The following SPECC1 variants were observed in gnomAD, a reference collection of about 807,000 sequenced individuals.
The protein encoded by SPECC1 is sperm antigen with calponin homology and coiled-coil domains 1.
A neutral mutation model predicts 104.1 loss-of-function variants in SPECC1; 62 were observed. That is an observed-to-expected ratio of 0.60 (90% CI 0.49 to 0.74). The LOEUF (loss-of-function observed/expected upper bound fraction) is 0.74, where lower values mean the gene tolerates loss of function less well. Among genes scored for constraint, SPECC1 ranks in the 30% least tolerant of loss-of-function variants. The probability of loss-of-function intolerance (pLI) is 0.00; values close to 1 mark genes in which losing one functional copy is unlikely to be tolerated. For missense variants in SPECC1, 1,306 were observed against 1,310.5 expected, an observed-to-expected ratio of 1.00 and a Z score of 0.05; for synonymous variants, 513 against 501.6, an observed-to-expected ratio of 1.02 and a Z score of -0.30.
chr17:20,203,355 A>G (rs550375201), intron 3 of SPECC1, among the ~76,000 whole-genome samples: 8 of 152,174 alleles, frequency 5.3e-5, no homozygotes, highest in African/African-American at 9.6e-5. Context: ...CTAGAGCACA[A>G]TGGAGACTGA....
chr17:20,175,275 C>G (rs1377531640), intron 3 of SPECC1, among the ~76,000 whole-genome samples: 1 of 152,244 alleles, frequency 6.6e-6, no homozygotes, highest in Non-Finnish European at 1.5e-5. Context: ...GCCAGCACAG[C>G]ACTTCGAATT....
chr17:20,230,867 T>G (rs1449944032), intron 5 of SPECC1, among the ~76,000 whole-genome samples: 4 of 152,190 alleles, frequency 2.6e-5, no homozygotes, highest in Non-Finnish European at 4.4e-5. Context: ...TGTTTTCTAC[T>G]GTGCAGCATT....
intron 12 of SPECC1, among the ~76,000 whole-genome samples, chr17:20,274,134 A>G (rs1422962581): frequency 6.6e-6 from 1 of 152,108 alleles, no homozygotes; most frequent in Non-Finnish European, 1.5e-5. Flanking sequence ...TGTTAGGTCA[A>G]GTTTTATTTT....
chr17:20,280,751 C>T (rs1047439114), intron 12 of SPECC1, among the ~76,000 whole-genome samples: 2 of 152,100 alleles, frequency 1.3e-5, no homozygotes, highest in African/African-American at 4.8e-5. Flanking sequence ...TGGTGGCTGT[C>T]GTATGGGGCA....
intron 3 of SPECC1, among the ~76,000 whole-genome samples, chr17:20,191,236 A>G (rs1358579765): frequency 6.6e-6 from 1 of 152,204 alleles, no homozygotes; most frequent in East Asian, 1.9e-4. Context: ...TCATTTGGCT[A>G]AATACCAAGG....
At chr17:20,062,924 G>C (rs2046239957) in intron 1 of SPECC1, among the ~76,000 whole-genome samples, 5 of 152,182 alleles carry the variant, frequency 3.3e-5, no homozygotes, top group Admixed American at 1.3e-4. Flanking sequence ...CTGACCTCAA[G>C]TGATCTGCCC....
intron 3 of SPECC1, among the ~76,000 whole-genome samples, chr17:20,184,259 C>T (rs1404901224): frequency 6.7e-6 from 1 of 149,506 alleles, no homozygotes; most frequent in East Asian, 2.0e-4. Context: ...TTTCCTGAAG[C>T]TATGACCAGG....
At chr17:20,166,006 G>C (rs946508062) in intron 3 of SPECC1, among the ~76,000 whole-genome samples, 6 of 151,964 alleles carry the variant, frequency 3.9e-5, no homozygotes, top group Admixed American at 3.9e-4. Flanking sequence ...TATCCTTCTT[G>C]ACAGTTAAAA....
Position 20,227,610 on chromosome 17 carries a change from T to G in SPECC1, c.2061T>G (p.Ser687Arg), listed in dbSNP as rs750897367. 18 of 1,611,062 alleles carry G rather than the reference T, an allele frequency of 1.1e-5. No homozygotes were observed. The highest frequency in any genetic ancestry group is 2.7e-5 in the African/African-American group (2 of 74,652). Residue 687 changes from serine to arginine, a missense_variant, in exon 5 of 15, where the codon AGT becomes AGG. Physicochemically the swap from Ser to Arg is moderately radical, Grantham distance 110 (BLOSUM62 -1). Around this residue, in one of 2 missense-constraint regions of SPECC1, gnomAD observed 1,177 missense variants for 1,139.9 expected, o/e 1.03. Coordinates refer to ENST00000395527, the MANE Select transcript of SPECC1 (RefSeq NM_001243439.2). ...AGTTACACAATAATCAACTCATCAG[T>G]GAGCTAGAAAGTAAGTGGGGTCTGC... The part of the protein sequence containing the change: ...AVKLHNNQLI[S>R]ELESSVIKLE...
At chr17:20,202,053 G>A (rs2036468464) in intron 3 of SPECC1, among the ~76,000 whole-genome samples, 1 of 152,146 alleles carries the variant, frequency 6.6e-6, no homozygotes, top group Non-Finnish European at 1.5e-5. Flanking sequence ...ATTATAAAAA[G>A]TTAAAATTTG....
At chr17:20,282,394 G>A (rs1188710550) in intron 12 of SPECC1, among the ~76,000 whole-genome samples, 1 of 152,208 alleles carries the variant, frequency 6.6e-6, no homozygotes, top group African/African-American at 2.4e-5. Flanking sequence ...CATTTTCGCA[G>A]TCTCAAACCC....
chr17:20,102,077 C>T (rs956757461), intron 2 of SPECC1, among the ~76,000 whole-genome samples: 2 of 152,210 alleles, frequency 1.3e-5, no homozygotes, highest in Non-Finnish European at 2.9e-5. Flanking sequence ...GAAGTGCACA[C>T]CTTCATAGGA....
At chr17:20,236,919 C>A (rs2038948964) in intron 7 of SPECC1, 1 of 1,613,492 alleles carries the variant, frequency 6.2e-7, no homozygotes. Flanking sequence ...CCAGCTCTTG[C>A]CATGATTGGG....
rs150795927 is a variant in SPECC1, at chr17:20,064,786, C to G, written c.-21-31845C>G. Reference sequence around the variant, plus strand: ...TTTTCACAGGGAGGGCATGATGAACCTTGTCTTATAGCTCATGAGAAGGCC... The same window carrying G: ...TTTTCACAGGGAGGGCATGATGAACGTTGTCTTATAGCTCATGAGAAGGCC... On this transcript the variant is annotated intron_variant, in intron 1 of 14. Coordinates refer to ENST00000395527, the MANE Select transcript of SPECC1 (RefSeq NM_001243439.2). Among the ~76,000 whole-genome samples, 1,260 of 152,274 alleles carry G rather than the reference C, an allele frequency of 8.3e-3. 25 individuals are homozygous for G. Among genetic ancestry groups the G allele is most frequent in the African/African-American group, 0.028 (1,165 of 41,546 alleles).
chr17:20,066,059 A>G (rs907317465), intron 1 of SPECC1, among the ~76,000 whole-genome samples: 1 of 152,228 alleles, frequency 6.6e-6, no homozygotes, highest in South Asian at 2.1e-4. Context: ...TCAGATAAAC[A>G]ATTTCTATCC....
intron 4 of SPECC1, among the ~76,000 whole-genome samples, chr17:20,208,905 T>A (rs928341152): frequency 6.6e-6 from 1 of 152,094 alleles, no homozygotes; most frequent in African/African-American, 2.4e-5. Context: ...GCTCAAGCAA[T>A]CCTCCCACCT....
chr17:20,173,444 A>C (rs2034234168), intron 3 of SPECC1, among the ~76,000 whole-genome samples: 1 of 152,250 alleles, frequency 6.6e-6, no homozygotes, highest in Non-Finnish European at 1.5e-5. Context: ...AGTGCTGGAA[A>C]GCTAAATTTA....
At chr17:20,288,856 T>C (rs2041055243) in intron 12 of SPECC1, among the ~76,000 whole-genome samples, 1 of 140,766 alleles carries the variant, frequency 7.1e-6, no homozygotes, top group Non-Finnish European at 1.5e-5. Context: ...CGATCTCGGC[T>C]AACTGCAACC....
At chr17:20,033,356 G>A (rs1171708487) in intron 1 of SPECC1, among the ~76,000 whole-genome samples, 1 of 152,036 alleles carries the variant, frequency 6.6e-6, no homozygotes, top group Non-Finnish European at 1.5e-5. Flanking sequence ...GGAGCCTCTT[G>A]TTCTTATTTG....
Sources: allele counts gnomAD v4.1 joint callset (sites outside exome capture counted in the v4.1 genomes callset), GRCh38; gene constraint gnomAD v4.1.1; regional missense constraint gnomAD v4.1.1; transcripts MANE v1.5; gene names NCBI Gene and HGNC (gene_info 2026-07-23, HGNC 2026-07-21).